PTPRK: variants seen among roughly 807,000 people sequenced by gnomAD.
PTPRK encodes the protein receptor-type tyrosine-protein phosphatase kappa.
Under a neutral mutation model 178.0 loss-of-function variants are expected in PTPRK, and 75 were observed. The ratio of observed to expected loss-of-function variants is 0.42; its 90% CI spans 0.35 to 0.51. The LOEUF (loss-of-function observed/expected upper bound fraction) is 0.51, where lower values mean the gene tolerates loss of function less well. Among genes scored for constraint, PTPRK ranks in the 20% least tolerant of loss-of-function variants. PTPRK has a pLI of 0.02. For missense variants in PTPRK, 1,441 were observed against 1,797.8 expected (o/e 0.80, Z 3.59); for synonymous variants, 637 against 620.6 (o/e 1.03, Z -0.39).
intron 7 of PTPRK, among the ~76,000 whole-genome samples, chr6:128,177,101 C>A (rs1312158548): frequency 6.6e-6 from 1 of 151,436 alleles, no homozygotes; most frequent in Non-Finnish European, 1.5e-5. Context: ...TCATAGTGAC[C>A]CCAATAGCAC....
intron 3 of PTPRK, among the ~76,000 whole-genome samples, chr6:128,273,285 C>T (rs908087040): frequency 4.0e-5 from 6 of 151,832 alleles, no homozygotes; most frequent in Non-Finnish European, 7.4e-5. Flanking sequence ...GTGCAGCACA[C>T]CAATATGGCA....
At chr6:127,986,146 G>A (rs866450274) in intron 21 of PTPRK, among the ~76,000 whole-genome samples, 1 of 152,156 alleles carries the variant, frequency 6.6e-6, no homozygotes, top group South Asian at 2.1e-4. Context: ...TACTTTGACA[G>A]CTTGTTTCTT....
chr6:128,036,334 A>T (rs1041094578), intron 13 of PTPRK, among the ~76,000 whole-genome samples: 1 of 152,228 alleles, frequency 6.6e-6, no homozygotes, highest in Admixed American at 6.5e-5. Context: ...TGGATAACCA[A>T]ATTGTAAGAT....
chr6:128,438,329 T>A (rs1845867241), intron 1 of PTPRK, among the ~76,000 whole-genome samples: 1 of 152,258 alleles, frequency 6.6e-6, no homozygotes, highest in South Asian at 2.1e-4. Flanking sequence ...CCTACTCTTA[T>A]ACACACAGTA....
intron 1 of PTPRK, among the ~76,000 whole-genome samples, chr6:128,447,693 T>G (rs1847209889): frequency 1.3e-5 from 2 of 151,874 alleles, no homozygotes; most frequent in Non-Finnish European, 2.9e-5. Flanking sequence ...GGCACGATCT[T>G]GGCTCACTGT....
intron 1 of PTPRK, among the ~76,000 whole-genome samples, chr6:128,478,680 C>G (rs1266543704): frequency 6.6e-6 from 1 of 151,984 alleles, no homozygotes; most frequent in Non-Finnish European, 1.5e-5. Context: ...TGCTATTCAG[C>G]AGAACATTTT....
chr6:128,247,507 C>T (rs375431207), intron 3 of PTPRK, among the ~76,000 whole-genome samples: 10 of 151,940 alleles, frequency 6.6e-5, no homozygotes, highest in East Asian at 5.8e-4. Flanking sequence ...TTTGTAGAGA[C>T]GGGGTTTTAA....
chr6:128,419,007 A>C (rs1843151326), intron 1 of PTPRK, among the ~76,000 whole-genome samples: 3 of 152,216 alleles, frequency 2.0e-5, no homozygotes, highest in African/African-American at 7.2e-5. Context: ...TTTTCTGAAA[A>C]TTCTTATCAG....
At chr6:128,005,922 T>C in intron 14 of PTPRK, 1 of 901,606 alleles carries the variant, frequency 1.1e-6, no homozygotes, top group Admixed American at 3.5e-5. Context: ...AAAAACTTTT[T>C]TTTTGAAATG....
At chr6:128,353,116 A>G (rs1388309616) in intron 2 of PTPRK, among the ~76,000 whole-genome samples, 1 of 152,236 alleles carries the variant, frequency 6.6e-6, no homozygotes, top group East Asian at 1.9e-4. Flanking sequence ...TAGCAAGCAC[A>G]TGAAAACATA....
intron 11 of PTPRK, among the ~76,000 whole-genome samples, chr6:128,068,360 G>A (rs930670713): frequency 3.3e-5 from 5 of 152,104 alleles, no homozygotes; most frequent in South Asian, 2.1e-4. Flanking sequence ...AGTGACATGC[G>A]GCAATACGGG....
intron 3 of PTPRK, among the ~76,000 whole-genome samples, chr6:128,285,618 G>C (rs1305375559): frequency 2.0e-5 from 3 of 151,924 alleles, no homozygotes; most frequent in East Asian, 3.9e-4. Flanking sequence ...AGACCAGCCT[G>C]GCTTGGTGAA....
At chr6:128,311,140 AAAAT>A (rs571052719) in intron 3 of PTPRK, among the ~76,000 whole-genome samples, 32 of 152,182 alleles carry the variant, frequency 2.1e-4, no homozygotes, top group Non-Finnish European at 4.4e-4. Context: ...TCATAACAAA[AAAAT>A]AAATCTCTAC....
intron 1 of PTPRK, among the ~76,000 whole-genome samples, chr6:128,443,050 C>A (rs1478905949): frequency 2.0e-5 from 3 of 151,018 alleles, no homozygotes; most frequent in Admixed American, 6.6e-5. Context: ...GCTGACAAAT[C>A]AAGTTAAAAT....
chr6:128,297,631 T>G (rs994302682), intron 3 of PTPRK, among the ~76,000 whole-genome samples: 3 of 152,120 alleles, frequency 2.0e-5, no homozygotes, highest in African/African-American at 7.2e-5. Flanking sequence ...GACTACTGGG[T>G]ACATAACAAA....
chr6:128,450,480 C>T (rs193206825), intron 1 of PTPRK, among the ~76,000 whole-genome samples: 4 of 152,264 alleles, frequency 2.6e-5, no homozygotes, highest in African/African-American at 7.2e-5. Context: ...ATTGCTTTAT[C>T]GTACACTATA....
Position 127,983,176 on chromosome 6 carries a change from A to G in PTPRK, c.3387+66T>C. On this transcript the variant is annotated intron_variant, in intron 23 of 29. Transcript: ENST00000368226. ...GTTGAGTAGAGTATATATGAGAGACATCTACTCTTTGTTTGCAAAAAAAAT... is the reference window on the plus strand; with the variant it reads ...GTTGAGTAGAGTATATATGAGAGACGTCTACTCTTTGTTTGCAAAAAAAAT... 3 of 1,418,214 alleles carry G rather than the reference A, an allele frequency of 2.1e-6. No individual in the cohort carries two copies. In the South Asian group the frequency reaches 4.3e-5, roughly 20 times the overall value. 87.9% of individuals were successfully genotyped at this position (1,418,214 alleles called of 1,614,324 possible).
intron 2 of PTPRK, among the ~76,000 whole-genome samples, chr6:128,328,384 T>C (rs1236600730): frequency 6.6e-6 from 1 of 152,170 alleles, no homozygotes; most frequent in Non-Finnish European, 1.5e-5. Flanking sequence ...TTAGTTAGAT[T>C]ACCAATTGAA....
chr6:128,210,470 T>A, intron 6 of PTPRK, among the ~76,000 whole-genome samples: 1 of 149,818 alleles, frequency 6.7e-6, no homozygotes, highest in Non-Finnish European at 1.5e-5. Context: ...GGGTGGGGAA[T>A]AAGAAGAAAG....
Sources: allele counts gnomAD v4.1 joint callset (sites outside exome capture counted in the v4.1 genomes callset), GRCh38; gene constraint gnomAD v4.1.1; transcripts MANE v1.5; gene names NCBI Gene and HGNC (gene_info 2026-07-23, HGNC 2026-07-21).